The following PDE3B variants were observed in gnomAD, a reference collection of about 807,000 sequenced individuals.
PDE3B encodes the protein cGMP-inhibited 3',5'-cyclic phosphodiesterase 3B.
PDE3B carries 66 observed loss-of-function variants against 116.8 expected under a neutral mutation model. The ratio of observed to expected loss-of-function variants is 0.56; its 90% CI spans 0.46 to 0.69. The LOEUF is 0.69. Among genes scored for constraint, PDE3B ranks in the 30% least tolerant of loss-of-function variants. PDE3B has a pLI of 0.00. For missense variants in PDE3B, 1,384 were observed against 1,368.1 expected, an observed-to-expected ratio of 1.01 and a Z score of -0.18; for synonymous variants, 595 against 533.6, an observed-to-expected ratio of 1.12 and a Z score of -1.59.
In PDE3B at chr11:14,644,748, C is replaced by A; in HGVS notation, c.673C>A (p.Leu225Met). 6.3e-7 allele frequency: 1 copy of A among 1,587,220 alleles called. No homozygotes were observed. ...RLRHCVLVLL[L>M]ASFVWWVSFT... ...CCGGCACTGCGTTCTGGTGCTGCTCCTGGCCAGCTTCGTCTGGTGGGTCTC... is the reference window on the plus strand; with the variant it reads ...CCGGCACTGCGTTCTGGTGCTGCTCATGGCCAGCTTCGTCTGGTGGGTCTC... The change falls in exon 1 of 16, where the codon CTG becomes ATG. Residue 225 changes from leucine to methionine, a missense_variant. By Grantham distance (15) the Leu-to-Met change is conservative. This residue lies in a region of PDE3B where 956 missense variants were observed against 806.8 expected (regional missense o/e 1.18). Coordinates refer to ENST00000282096, the MANE Select transcript of PDE3B (RefSeq NM_000922.4).
chr11:14,754,246 T>C (rs1448606004), intron 1 of PDE3B, among the ~76,000 whole-genome samples: 1 of 152,096 alleles, frequency 6.6e-6, no homozygotes, highest in Non-Finnish European at 1.5e-5. Context: ...TTTAATGTGA[T>C]AATCTAATTT....
chr11:14,869,566 G>T lies in PDE3B; in HGVS notation c.3245G>T (p.Cys1082Phe), dbSNP rs548731015. 1.4e-4 allele frequency: 224 copies of T among 1,613,896 alleles called. 2 individuals are homozygous for T. In the South Asian group the frequency reaches 2.4e-3, roughly 17 times the overall value. Residue 1082 changes from cysteine to phenylalanine, a missense_variant, in exon 16 of 16, where the codon TGT becomes TTT. Cys to Phe is a radical substitution (Grantham distance 205). Coordinates refer to ENST00000282096, the MANE Select transcript of PDE3B (RefSeq NM_000922.4). ...GAAATCGTAGAGGAAGAAGAAAAATGTAAAGCTGATGGGAATAAACTGCAG... is the reference window on the plus strand; with the variant it reads ...GAAATCGTAGAGGAAGAAGAAAAATTTAAAGCTGATGGGAATAAACTGCAG... Reference protein sequence around the residue: ...WKEIVEEEEKCKADGNKLQVE... With the variant: ...WKEIVEEEEKFKADGNKLQVE...
Position 14,741,352 on chromosome 11 carries a change from G to A in PDE3B, c.979-30585G>A, listed in dbSNP as rs568603657. Among the ~76,000 whole-genome samples the A allele has an allele frequency of 4.9e-4, 75 of 152,052 alleles. 1 individual carries two copies. The highest frequency in any genetic ancestry group is 8.8e-4 in the Non-Finnish European group (60 of 68,022). The stretch of plus-strand genomic sequence containing the variant: ...GTTGCATTGATCTGTTTACCATTAT[G>A]TAATGCCCTTCTTTGTGTCTTTTGA... On this transcript the variant is annotated intron_variant, in intron 1 of 15. Transcript: ENST00000282096.
chr11:14,659,926 G>A (rs1330810194), intron 1 of PDE3B, among the ~76,000 whole-genome samples: 4 of 152,064 alleles, frequency 2.6e-5, no homozygotes, highest in African/African-American at 9.7e-5. Context: ...TTATTAGCAG[G>A]CACAGCAGAA....
intron 1 of PDE3B, among the ~76,000 whole-genome samples, chr11:14,756,942 T>TCCCTCCC: frequency 8.8e-6 from 1 of 113,382 alleles, no homozygotes; most frequent in Non-Finnish European, 1.8e-5. Context: ...CCCAATGCTA[T>TCCCTCCC]CCCTCCCCCC....
chr11:14,696,252 AATGATC>A (rs1855204482), intron 1 of PDE3B, among the ~76,000 whole-genome samples: 1 of 152,038 alleles, frequency 6.6e-6, no homozygotes, highest in African/African-American at 2.4e-5. Context: ...GCATTTCTCT[AATGATC>A]AGTGATGTTG....
chr11:14,650,643 A>G (rs1444304017), intron 1 of PDE3B, among the ~76,000 whole-genome samples: 2 of 152,166 alleles, frequency 1.3e-5, no homozygotes, highest in Admixed American at 1.3e-4. Flanking sequence ...TTGACAGTGG[A>G]AGCAGGGTTG....
intron 2 of PDE3B, among the ~76,000 whole-genome samples, chr11:14,782,380 C>A (rs1456490967): frequency 6.6e-6 from 1 of 151,484 alleles, no homozygotes; most frequent in Non-Finnish European, 1.5e-5. Flanking sequence ...CTACAGTAAC[C>A]AAAACAGCAT....
chr11:14,871,645 A>G lies in PDE3B; in HGVS notation c.*1985A>G, dbSNP rs1555009120. ...ACGAATACTGGACTTATTGGATTTA[A>G]TTATAAATCCAATTACTACTGGAAA... is the stretch of plus-strand genomic sequence containing the variant. On this transcript the variant is annotated 3_prime_UTR_variant, in exon 16 of 16. Coordinates refer to ENST00000282096, the MANE Select transcript of PDE3B (RefSeq NM_000922.4). 1 of 152,178 alleles carries G rather than the reference A, an allele frequency of 6.6e-6. No individual in the cohort carries two copies. Among genetic ancestry groups the G allele is most frequent in the Non-Finnish European group, 1.5e-5 (1 of 68,016 alleles). 9.4% of individuals were successfully genotyped at this position (152,178 alleles called of 1,614,324 possible).
chr11:14,880,956 C>CT, the PDE3B span, among the ~76,000 whole-genome samples: 1 of 152,010 alleles, frequency 6.6e-6, no homozygotes, highest in Non-Finnish European at 1.5e-5. Flanking sequence ...AGTTTTTCTA[C>CT]TCCTTATCTG....
chr11:14,648,815 T>C (rs1853485696), intron 1 of PDE3B, among the ~76,000 whole-genome samples: 1 of 152,100 alleles, frequency 6.6e-6, no homozygotes, highest in Non-Finnish European at 1.5e-5. Flanking sequence ...CCACATGCAT[T>C]CTAGCTATTT....
rs537412077 is a variant in PDE3B, at chr11:14,731,847, A to T, written c.979-40090A>T. On this transcript the variant is annotated intron_variant, in intron 1 of 15. Coordinates refer to ENST00000282096, the MANE Select transcript of PDE3B (RefSeq NM_000922.4). Reference sequence around the variant, plus strand: ...TGGAGATACCTAAGTAAATCAGACGATTTCTGCTGTCATGGAGCTTATACA... The same window carrying T: ...TGGAGATACCTAAGTAAATCAGACGTTTTCTGCTGTCATGGAGCTTATACA... Among the ~76,000 whole-genome samples the T allele has an allele frequency of 2.3e-4, 35 of 152,288 alleles. No individual in the cohort carries two copies. The South Asian group carries it at 7.3e-3, about 32-fold the overall frequency.
rs1685166377 is a variant in PDE3B at position 14,644,008 on chromosome 11, G to C, written c.-68G>C. ...CCCCGAACGCGGGGGTTGGGGTCTG[G>C]GAGCGCGAGCGGCCGCTACGGTACG... On this transcript the variant is annotated 5_prime_UTR_variant, in exon 1 of 16. Coordinates refer to ENST00000282096, the MANE Select transcript of PDE3B (RefSeq NM_000922.4). 1 of 1,386,590 alleles carries C rather than the reference G, an allele frequency of 7.2e-7. No homozygotes were observed. The highest frequency in any genetic ancestry group is 9.3e-7 in the Non-Finnish European group (1 of 1,078,784). The allele number at this position is 1,386,590 out of a possible 1,614,324, so 85.9% of individuals were successfully genotyped here.
chr11:14,810,500 T>C (rs1658004067), intron 5 of PDE3B, among the ~76,000 whole-genome samples: 1 of 152,056 alleles, frequency 6.6e-6, no homozygotes, highest in Admixed American at 6.6e-5. Context: ...CATGAACTCA[T>C]CCTTTTTTAT....
At chr11:14,886,147 A>G in the PDE3B span, 1 of 536,350 alleles carries the variant, frequency 1.9e-6, no homozygotes. Context: ...TCTTACCAAC[A>G]GTATAATGAA....
rs1207909046 is a variant in PDE3B at position 14,644,747 on chromosome 11, C to T, written c.672C>T (p.Leu224=). 6.3e-7 allele frequency: 1 copy of T among 1,585,968 alleles called. No homozygotes were observed. Residue 224 remains leucine (L), a synonymous_variant, in exon 1 of 16, where the codon CTC becomes CTT. Transcript: ENST00000282096. ...LRLRHCVLVL[L]LASFVWWVSF... ...TCCGGCACTGCGTTCTGGTGCTGCT[C>T]CTGGCCAGCTTCGTCTGGTGGGTCT...
intron 1 of PDE3B, among the ~76,000 whole-genome samples, chr11:14,731,242 G>A (rs931636218): frequency 1.2e-4 from 18 of 149,356 alleles, no homozygotes; most frequent in Non-Finnish European, 2.2e-4. Flanking sequence ...AAGTTTTAAA[G>A]CATTTTACTT....
In PDE3B at chr11:14,724,366, A is replaced by C. The variant is rs192112216; in HGVS notation, c.979-47571A>C. The stretch of plus-strand genomic sequence containing the variant: ...CATTAGTTAGCTTTTGCCGAATTTG[A>C]GATATGTTTGAGACATCCAAGTTTG... On this transcript the variant is annotated intron_variant, in intron 1 of 15. Coordinates refer to ENST00000282096, the MANE Select transcript of PDE3B (RefSeq NM_000922.4). Among the ~76,000 whole-genome samples, 3 of 152,260 alleles carry C rather than the reference A, an allele frequency of 2.0e-5. No homozygotes were observed. In the East Asian group the frequency reaches 5.8e-4, roughly 29 times the overall value.
the PDE3B span, among the ~76,000 whole-genome samples, chr11:14,896,419 C>A: frequency 6.6e-6 from 1 of 152,222 alleles, no homozygotes; most frequent in East Asian, 1.9e-4. Flanking sequence ...GCAAAATCAG[C>A]CATGGTCCCT....
Sources: allele counts gnomAD v4.1 joint callset (sites outside exome capture counted in the v4.1 genomes callset), GRCh38; gene constraint gnomAD v4.1.1; regional missense constraint gnomAD v4.1.1; transcripts MANE v1.5; gene names NCBI Gene and HGNC (gene_info 2026-07-23, HGNC 2026-07-21).